SPIN2A: variants seen among roughly 807,000 people sequenced by gnomAD.
SPIN2A encodes spindlin-2A.
SPIN2A carries 4 observed loss-of-function variants against 9.2 expected under a neutral mutation model. The observed-to-expected ratio is 0.44, with a 90% CI of 0.21 to 1.00. SPIN2A has a LOEUF of 1.00. Among genes scored for constraint, SPIN2A ranks in the 50% least tolerant of loss-of-function variants. SPIN2A has a pLI of 0.26. For synonymous variants in SPIN2A, 25 were observed against 61.2 expected (o/e 0.41, Z 2.76); for missense variants, 77 against 172.8 (o/e 0.45, Z 3.11).
At chrX:57,138,648 A>C (rs750353166), upstream of SPIN2A, among the ~76,000 whole-genome samples, 15 of 111,360 alleles carry the variant, frequency 1.3e-4, no homozygotes, top group Admixed American at 5.7e-4. Context: ...GCTGTTTTTC[A>C]TAATGGCTAT....
chrX:57,139,828 T>A (rs746990621), upstream of SPIN2A, among the ~76,000 whole-genome samples: 11 of 111,783 alleles, frequency 9.8e-5, no homozygotes, highest in Non-Finnish European at 1.9e-4. Context: ...AGGATTGCTT[T>A]GGCCATTCTG....
chrX:57,143,645 T>C, the SPIN2A span, among the ~76,000 whole-genome samples: 4 of 110,320 alleles, frequency 3.6e-5, no homozygotes, highest in African/African-American at 1.3e-4. Flanking sequence ...CTAAGCTATT[T>C]CTTTGTATTT....
upstream of SPIN2A, among the ~76,000 whole-genome samples, chrX:57,139,116 G>C (rs751874283): frequency 8.9e-6 from 1 of 112,348 alleles, no homozygotes; most frequent in African/African-American, 3.2e-5. Flanking sequence ...TCTTACTCAA[G>C]AAATCGTTGC....
At chrX:57,142,047 C>T (rs903891136), upstream of SPIN2A, among the ~76,000 whole-genome samples, 5 of 111,392 alleles carry the variant, frequency 4.5e-5, no homozygotes, top group Admixed American at 9.5e-5. Context: ...GTCATGTTTT[C>T]AAAAAGCCAG....
upstream of SPIN2A, among the ~76,000 whole-genome samples, chrX:57,141,430 T>A (rs1928000139): frequency 8.9e-6 from 1 of 112,118 alleles, no homozygotes; most frequent in Non-Finnish European, 1.9e-5. Context: ...GACATCTGAA[T>A]AAGGCTGGCC....
At chrX:57,142,579 C>A in the SPIN2A span, among the ~76,000 whole-genome samples, 70 of 111,983 alleles carry the variant, frequency 6.3e-4, no homozygotes, top group Non-Finnish European at 1.2e-3. Context: ...GTGTATTCTG[C>A]TCCTTTTGGG....
chrX:57,140,900 T>C (rs1210086870), upstream of SPIN2A, among the ~76,000 whole-genome samples: 1 of 111,642 alleles, frequency 9.0e-6, no homozygotes, highest in Admixed American at 9.5e-5. Flanking sequence ...GGTGATGGGT[T>C]CAGTAGAAGC....
chrX:57,134,825 G>A (rs1020858019), downstream of SPIN2A: 1 of 111,427 alleles, frequency 9.0e-6, no homozygotes, highest in Admixed American at 9.5e-5. Flanking sequence ...TGAGCATTGG[G>A]TTTCTGCTGG....
chrX:57,146,384 T>C, the SPIN2A span, among the ~76,000 whole-genome samples: 2 of 111,840 alleles, frequency 1.8e-5, no homozygotes, highest in Admixed American at 9.5e-5. Flanking sequence ...TGTTGGTGTA[T>C]AGCAGAGCTA....
At chrX:57,138,234 C>T (rs1287084487), upstream of SPIN2A, among the ~76,000 whole-genome samples, 1 of 111,265 alleles carries the variant, frequency 9.0e-6, no homozygotes, top group Non-Finnish European at 1.9e-5. Flanking sequence ...TACAGTTTTT[C>T]ACAGTATCCT....
chrX:57,138,967 G>A (rs1452553123), upstream of SPIN2A, among the ~76,000 whole-genome samples: 2 of 111,463 alleles, frequency 1.8e-5, no homozygotes, highest in Non-Finnish European at 1.9e-5. Flanking sequence ...TATTAATCCC[G>A]TCAGTTGAAT....
chrX:57,139,949 A>T (rs768989385), upstream of SPIN2A, among the ~76,000 whole-genome samples: 5 of 112,155 alleles, frequency 4.5e-5, no homozygotes, highest in South Asian at 1.8e-3. Context: ...GATAACTTGG[A>T]GTAGTATGGA....
the SPIN2A span, among the ~76,000 whole-genome samples, chrX:57,145,247 T>G: frequency 2.5e-5 from 2 of 79,912 alleles, no homozygotes; most frequent in Non-Finnish European, 4.3e-5. Context: ...ATTATGATCA[T>G]TCTTTTGGGG....
chrX:57,137,853 GC>G (rs760765221), upstream of SPIN2A, among the ~76,000 whole-genome samples: 196 of 111,486 alleles, frequency 1.8e-3, no homozygotes, highest in Middle Eastern at 4.7e-3. Flanking sequence ...ACGACCATAT[GC>G]AAATGTGTAT....
chrX:57,146,052 T>C, the SPIN2A span, among the ~76,000 whole-genome samples: 2 of 109,979 alleles, frequency 1.8e-5, no homozygotes, highest in Non-Finnish European at 3.8e-5. Context: ...ATGCAGGCTC[T>C]TTTTTTGGTT....
rs150780723 is a variant in SPIN2A, at chrX:57,137,382, C to A, written c.-128G>T. ...ATGAGGAGCGTGTGTAGGAGCGCGG[C>A]GAGACAGGCAAAGAGCACTGCAGCG... On this transcript the variant is annotated 5_prime_UTR_variant, in exon 1 of 2. Coordinates refer to ENST00000374906, the MANE Select transcript of SPIN2A (RefSeq NM_019003.5). The A allele has an allele frequency of 3.2e-3, 2,394 of 749,191 alleles. 54 individuals carry two copies. In the African/African-American group the frequency reaches 0.051, roughly 16 times the overall value. The allele number at this position is 749,191 out of a possible 1,213,427, so 61.7% of individuals were successfully genotyped here.
At chrX:57,140,139 ATTTCT>A (rs1927959065), upstream of SPIN2A, among the ~76,000 whole-genome samples, 1 of 110,528 alleles carries the variant, frequency 9.0e-6, no homozygotes, top group African/African-American at 3.3e-5. Flanking sequence ...TGCTTTCTTG[ATTTCT>A]TTTTTTACAC....
upstream of SPIN2A, among the ~76,000 whole-genome samples, chrX:57,138,177 C>T (rs886812324): frequency 9.0e-6 from 1 of 111,715 alleles, no homozygotes; most frequent in African/African-American, 3.3e-5. Context: ...TTATCTATTT[C>T]GCATAAAGTG....
At chrX:57,139,696 C>T (rs1569187986), upstream of SPIN2A, among the ~76,000 whole-genome samples, 2 of 111,272 alleles carry the variant, frequency 1.8e-5, no homozygotes, top group Admixed American at 9.6e-5. Context: ...CCTCGTGATC[C>T]GCCCGCCTTG....
Sources: gnomAD v4.1 joint callset for allele counts (sites outside exome capture counted in the v4.1 genomes callset) on GRCh38, gnomAD v4.1.1 for gene constraint, MANE v1.5 for transcripts, NCBI Gene and HGNC (gene_info 2026-07-23, HGNC 2026-07-21) for gene names.